The following JMJD1C variants were observed in gnomAD, a reference collection of about 807,000 sequenced individuals.
The protein encoded by JMJD1C is jumonji domain-containing protein 1C.
In JMJD1C, 31 loss-of-function variants were observed where a neutral mutation model predicts 245.3. That is an observed-to-expected ratio of 0.13 (90% CI 0.09 to 0.17). The LOEUF is 0.17. Ranked by LOEUF, JMJD1C falls within the 10% of genes least tolerant of loss-of-function variation. The pLI is 1.00. For synonymous variants in JMJD1C, 1,057 were observed against 1,017.4 expected (o/e 1.04, Z -0.74); for missense variants, 2,691 against 3,000.2 (o/e 0.90, Z 2.41).
rs758031280 is a variant in JMJD1C, at chr10:63,209,130, G to A, written c.2800C>T (p.Arg934Trp). ...PVRPSSAEPH[R>W]PLKITAHSSP... is the part of the protein sequence containing the mutation. ...GAATGGGCTGTAATTTTAAGAGGCC[G>A]ATGAGGCTCTGCACTGGAAGGTCTG... Residue 934 changes from arginine to tryptophan, a missense_variant, in exon 9 of 26, where the codon CGG (arginine) becomes TGG (tryptophan). Arg to Trp is a moderately radical substitution (Grantham distance 101). Around this residue, in one of 9 missense-constraint regions of JMJD1C, gnomAD observed 1,562 missense variants for 1,490.7 expected, o/e 1.05. Transcript: ENST00000399262. 10 of 1,613,778 alleles carry A rather than the reference G, an allele frequency of 6.2e-6. No homozygotes were observed. Among genetic ancestry groups the A allele is most frequent in the East Asian group, 4.5e-5 (2 of 44,884 alleles).
At chr10:63,182,833 ATTC>A (rs1365331574) in intron 22 of JMJD1C, among the ~76,000 whole-genome samples, 1 of 152,036 alleles carries the variant, frequency 6.6e-6, no homozygotes, top group Non-Finnish European at 1.5e-5. Flanking sequence ...ATTAGTTCCT[ATTC>A]TTCAATAAAT....
chr10:63,242,276 C>A lies in JMJD1C; in HGVS notation c.448-22293G>T, dbSNP rs948216011. Among the ~76,000 whole-genome samples, 4 of 152,210 alleles carry A rather than the reference C, an allele frequency of 2.6e-5. No individual in the cohort carries two copies. In the East Asian group the frequency reaches 7.7e-4, roughly 29 times the overall value. ...TTTTCTACAGCATAAATGGTATATA[C>A]ATGCACTGTCCCACATACGATTATC... On this transcript the variant is annotated intron_variant, in intron 3 of 25. Coordinates refer to ENST00000399262, the MANE Select transcript of JMJD1C (RefSeq NM_032776.3).
At chr10:63,469,778 A>ATT (rs1589807220), upstream of JMJD1C, among the ~76,000 whole-genome samples, 1 of 152,168 alleles carries the variant, frequency 6.6e-6, no homozygotes, top group African/African-American at 2.4e-5. Flanking sequence ...GAAGTCTTAG[A>ATT]TTATATATAT....
chr10:63,314,343 T>G (rs939938712), intron 2 of JMJD1C, among the ~76,000 whole-genome samples: 2 of 152,216 alleles, frequency 1.3e-5, no homozygotes, highest in Non-Finnish European at 2.9e-5. Context: ...GCAGATTGCT[T>G]GAGTCCAGGA....
chr10:63,319,255 TAAAAAAAAAAAAA>T (rs59018554), intron 2 of JMJD1C, among the ~76,000 whole-genome samples: 2 of 85,938 alleles, frequency 2.3e-5, no homozygotes, highest in Non-Finnish European at 4.5e-5. Context: ...AGACTCCATC[TAAAAAAAAAAAAA>T]AAAAAAAAAA....
At chr10:63,236,332 G>A (rs953713952) in intron 3 of JMJD1C, among the ~76,000 whole-genome samples, 136 of 152,140 alleles carry the variant, frequency 8.9e-4, no homozygotes, top group Middle Eastern at 3.4e-3. Flanking sequence ...TATAAGGTCC[G>A]CTCCTCTCAG....
At chr10:63,262,309 G>C (rs1034258229) in intron 3 of JMJD1C, among the ~76,000 whole-genome samples, 6 of 151,622 alleles carry the variant, frequency 4.0e-5, no homozygotes, top group Non-Finnish European at 7.4e-5. Flanking sequence ...CTTCTTTCTA[G>C]AACATTTCTG....
At chr10:63,296,775 G>A (rs1859480872) in intron 2 of JMJD1C, among the ~76,000 whole-genome samples, 1 of 152,168 alleles carries the variant, frequency 6.6e-6, no homozygotes, top group African/African-American at 2.4e-5. Flanking sequence ...TTTTCTACAT[G>A]CTAGTAAGCC....
In JMJD1C at chr10:63,404,203, A is replaced by G. The variant is rs182221973; in HGVS notation, c.169-23721T>C. On this transcript the variant is annotated intron_variant, in intron 1 of 25. Transcript: ENST00000399262. Reference sequence around the variant, plus strand: ...GTCACCATGATCAAGACTGCACTGTAATGAAACGTTAAAAAGAGTAAGGAC... The same window carrying G: ...GTCACCATGATCAAGACTGCACTGTGATGAAACGTTAAAAAGAGTAAGGAC... Among the ~76,000 whole-genome samples the G allele has an allele frequency of 3.7e-3, 560 of 152,324 alleles. 7 individuals are homozygous for G. Among genetic ancestry groups the G allele is most frequent in the African/African-American group, 0.013 (525 of 41,570 alleles).
At chr10:63,347,335 G>C (rs947625240) in intron 2 of JMJD1C, among the ~76,000 whole-genome samples, 1 of 152,078 alleles carries the variant, frequency 6.6e-6, no homozygotes, top group Non-Finnish European at 1.5e-5. Flanking sequence ...TGTAATCCCA[G>C]CACTTTGGGA....
intron 3 of JMJD1C, chr10:63,222,289 A>G: frequency 1.7e-6 from 2 of 1,185,360 alleles, no homozygotes; most frequent in Non-Finnish European, 2.5e-6. Context: ...TTGGTGTTAA[A>G]AAGTTTATGA....
intron 2 of JMJD1C, among the ~76,000 whole-genome samples, chr10:63,279,377 A>G (rs964614235): frequency 1.3e-5 from 2 of 152,254 alleles, no homozygotes; most frequent in Admixed American, 1.3e-4. Flanking sequence ...AAAAAATTTT[A>G]AAAAGCTAAA....
At chr10:63,193,187 T>G in intron 15 of JMJD1C, 36 bp from the exon 16 acceptor site, 1 of 1,560,646 alleles carries the variant, frequency 6.4e-7, no homozygotes, top group Non-Finnish European at 8.8e-7. Flanking sequence ...TTAAACACTT[T>G]CTTCAATAAT....
chr10:63,272,984 T>C (rs549582432), intron 2 of JMJD1C, among the ~76,000 whole-genome samples: 88 of 152,358 alleles, frequency 5.8e-4, no homozygotes, highest in African/African-American at 1.9e-3. Flanking sequence ...AACACAAATG[T>C]ACTAATTTTT....
At chr10:63,244,619 T>G (rs1851928176) in intron 3 of JMJD1C, among the ~76,000 whole-genome samples, 1 of 151,856 alleles carries the variant, frequency 6.6e-6, no homozygotes. Context: ...AATGAAAAAT[T>G]CAAAACAGCT....
intron 2 of JMJD1C, among the ~76,000 whole-genome samples, chr10:63,281,014 G>T (rs1857315174): frequency 6.6e-6 from 1 of 150,922 alleles, no homozygotes; most frequent in Non-Finnish European, 1.5e-5. Flanking sequence ...ATGGAGTGCA[G>T]TGGTGCGATG....
chr10:63,484,187 G>C (rs1953910440), intron 1 of JMJD1C, among the ~76,000 whole-genome samples: 1 of 144,814 alleles, frequency 6.9e-6, no homozygotes, highest in African/African-American at 2.7e-5. Flanking sequence ...CCAGCACCTT[G>C]GGATGGATGG....
chr10:63,217,893 A>G (rs1204341152), intron 4 of JMJD1C, among the ~76,000 whole-genome samples: 1 of 152,158 alleles, frequency 6.6e-6, no homozygotes, highest in Non-Finnish European at 1.5e-5. Flanking sequence ...TGCTAAACTC[A>G]CTTTTTCAAA....
At chr10:63,520,783 A>G (rs1955191064) in intron 1 of JMJD1C, among the ~76,000 whole-genome samples, 1 of 152,214 alleles carries the variant, frequency 6.6e-6, no homozygotes, top group South Asian at 2.1e-4. Flanking sequence ...CAGTGGTATC[A>G]CTGCACCCAC....
Sources: gnomAD v4.1 joint callset for allele counts (sites outside exome capture counted in the v4.1 genomes callset) on GRCh38, gnomAD v4.1.1 for gene constraint, gnomAD v4.1.1 regional missense constraint, MANE v1.5 for transcripts, NCBI Gene and HGNC (gene_info 2026-07-23, HGNC 2026-07-21) for gene names.